Variants in NRG1 observed in about 807,000 individuals in gnomAD.
NRG1 encodes neuregulin 1.
A neutral mutation model predicts 63.8 loss-of-function variants in NRG1; 18 were observed. The ratio of observed to expected loss-of-function variants is 0.28; its 90% CI spans 0.19 to 0.42. The LOEUF (loss-of-function observed/expected upper bound fraction) is 0.42, where lower values mean the gene tolerates loss of function less well. NRG1 is among the 10% of genes least tolerant of loss of function. The pLI is 1.00. For synonymous variants in NRG1, 302 were observed against 301.3 expected, an observed-to-expected ratio of 1.00 and a Z score of -0.02; for missense variants, 762 against 814.7, an observed-to-expected ratio of 0.94 and a Z score of 0.79.
intron 1 of NRG1, among the ~76,000 whole-genome samples, chr8:31,665,250 G>C (rs529673295): frequency 2.6e-5 from 4 of 152,294 alleles, no homozygotes; most frequent in African/African-American, 9.6e-5. Flanking sequence ...CTTAACCATT[G>C]ACAGGACAAG....
intron 1 of NRG1, among the ~76,000 whole-genome samples, chr8:32,148,560 G>A (rs751785915): frequency 1.6e-4 from 25 of 152,136 alleles, no homozygotes; most frequent in Admixed American, 6.5e-5. Context: ...CACCACGCCC[G>A]GCTAATTTTT....
intron 1 of NRG1, among the ~76,000 whole-genome samples, chr8:32,551,224 C>A (rs1398902778): frequency 6.6e-6 from 1 of 152,180 alleles, no homozygotes; most frequent in Non-Finnish European, 1.5e-5. Flanking sequence ...CCTATAGATG[C>A]CATAACTCTA....
At chr8:32,004,842 A>C (rs888790026) in intron 1 of NRG1, among the ~76,000 whole-genome samples, 2 of 151,878 alleles carry the variant, frequency 1.3e-5, no homozygotes, top group African/African-American at 4.8e-5. Flanking sequence ...GACCTCACAG[A>C]GGCAAAAATG....
In NRG1 at chr8:31,741,277, T is replaced by C. The variant is rs1024260252; in HGVS notation, c.37+101846T>C. Among the ~76,000 whole-genome samples the C allele has an allele frequency of 2.0e-5, 3 of 152,078 alleles. No individual in the cohort carries two copies. In the South Asian group the frequency reaches 6.2e-4, roughly 32 times the overall value. On this transcript the variant is annotated intron_variant, in intron 1 of 10. Coordinates refer to the NRG1 transcript ENST00000519301. The stretch of plus-strand genomic sequence containing the variant: ...ACCTATGAAGTATATGTTCAGTACC[T>C]TGGTGCCAGGATCATTTGTACCCCA...
chr8:32,417,392 G>C (rs1205720798), intron 1 of NRG1, among the ~76,000 whole-genome samples: 1 of 152,088 alleles, frequency 6.6e-6, no homozygotes, highest in East Asian at 1.9e-4. Context: ...GGTACAGGGA[G>C]CATCTAAATG....
intron 11 of NRG1, chr8:32,763,421 G>A (rs1208850781): frequency 1.3e-6 from 2 of 1,549,816 alleles, no homozygotes; most frequent in East Asian, 4.5e-5. Context: ...CCTTATATAA[G>A]CTGAGAGGTT....
intron 1 of NRG1, among the ~76,000 whole-genome samples, chr8:32,113,945 A>C (rs1256228079): frequency 6.6e-6 from 1 of 152,240 alleles, no homozygotes; most frequent in Non-Finnish European, 1.5e-5. Flanking sequence ...CTTCTGGTAC[A>C]TAATTAGCAC....
At chr8:32,290,360 T>G (rs186604013) in intron 1 of NRG1, among the ~76,000 whole-genome samples, 9 of 152,120 alleles carry the variant, frequency 5.9e-5, no homozygotes, top group Admixed American at 2.0e-4. Flanking sequence ...TATACATATA[T>G]ATAGAGAGAG....
At chr8:31,796,379 T>TCAGCAA (rs905469515) in intron 1 of NRG1, among the ~76,000 whole-genome samples, 1 of 147,758 alleles carries the variant, frequency 6.8e-6, no homozygotes, top group Non-Finnish European at 1.5e-5. Flanking sequence ...TCTTTTGATA[T>TCAGCAA]CAGCAACAGA....
intron 1 of NRG1, among the ~76,000 whole-genome samples, chr8:32,276,208 C>T (rs1852081987): frequency 6.6e-6 from 1 of 152,090 alleles, no homozygotes; most frequent in Non-Finnish European, 1.5e-5. Flanking sequence ...CTCCCATACC[C>T]CTCCCTGCCT....
upstream of NRG1, among the ~76,000 whole-genome samples, chr8:32,543,511 C>T (rs1588187431): frequency 6.6e-6 from 1 of 151,874 alleles, no homozygotes; most frequent in African/African-American, 2.4e-5. Flanking sequence ...TGCCTTATTA[C>T]AGAAGAAATG....
At chr8:32,221,353 T>C (rs1189821943) in intron 1 of NRG1, among the ~76,000 whole-genome samples, 3 of 152,132 alleles carry the variant, frequency 2.0e-5, no homozygotes, top group Non-Finnish European at 4.4e-5. Context: ...ACCCGCTTCG[T>C]TTTCCCTCTA....
At chr8:32,110,270 C>T (rs1353673714) in intron 1 of NRG1, among the ~76,000 whole-genome samples, 1 of 150,602 alleles carries the variant, frequency 6.6e-6, no homozygotes, top group Non-Finnish European at 1.5e-5. Context: ...ACTTCAAGGG[C>T]TCAAGAGTCA....
intron 1 of NRG1, among the ~76,000 whole-genome samples, chr8:31,688,921 G>A (rs1809191843): frequency 6.6e-6 from 1 of 152,190 alleles, no homozygotes. Context: ...CAAGGTGTCA[G>A]GAGGGCTGTC....
At chr8:32,546,856 C>T (rs567774830), upstream of NRG1, among the ~76,000 whole-genome samples, 279 of 152,174 alleles carry the variant, frequency 1.8e-3, no homozygotes, top group Non-Finnish European at 3.4e-3. Flanking sequence ...GAACATATTT[C>T]CCTCCCTCCC....
intron 1 of NRG1, among the ~76,000 whole-genome samples, chr8:32,330,996 A>G (rs1358705902): frequency 6.6e-6 from 1 of 152,212 alleles, no homozygotes; most frequent in East Asian, 1.9e-4. Flanking sequence ...TGTTGAGGAA[A>G]AAGAGTTTTA....
chr8:32,508,065 T>C (rs1402362227), intron 1 of NRG1, among the ~76,000 whole-genome samples: 3 of 152,138 alleles, frequency 2.0e-5, no homozygotes, highest in Non-Finnish European at 1.5e-5. Context: ...AGAAGATGGG[T>C]TAAACTCTGA....
Position 31,722,593 on chromosome 8 carries a change from T to C in NRG1, c.37+83162T>C, listed in dbSNP as rs528053265. Among the ~76,000 whole-genome samples the C allele has an allele frequency of 1.7e-4, 26 of 152,304 alleles. No homozygotes were observed. The South Asian group carries it at 4.8e-3, about 28-fold the overall frequency. On this transcript the variant is annotated intron_variant, in intron 1 of 10. Transcript: ENST00000519301. ...ATCAAGCCTTGCTCTCTTTGAATTA[T>C]ATTTATGTCTAAATGTTCATGATAG...
intron 1 of NRG1, among the ~76,000 whole-genome samples, chr8:32,025,647 T>C (rs1392255148): frequency 2.6e-5 from 4 of 151,964 alleles, no homozygotes; most frequent in Admixed American, 1.3e-4. Context: ...TCAAGCTCAA[T>C]TGACTCCCTC....
Sources: gnomAD v4.1 joint callset for allele counts (sites outside exome capture counted in the v4.1 genomes callset) on GRCh38, gnomAD v4.1.1 for gene constraint, MANE v1.5 for transcripts, NCBI Gene and HGNC (gene_info 2026-07-23, HGNC 2026-07-21) for gene names.